The following FER variants were observed in gnomAD, a reference collection of about 807,000 sequenced individuals.
FER encodes tyrosine-protein kinase Fer.
FER carries 63 observed loss-of-function variants against 111.0 expected under a neutral mutation model. The observed-to-expected ratio is 0.57, with a 90% confidence interval of 0.46 to 0.70. The LOEUF is 0.70. Ranked by LOEUF, FER falls within the 30% of genes least tolerant of loss-of-function variation. The pLI is 0.00. For missense variants in FER, 914 were observed against 954.0 expected (o/e 0.96, Z 0.55); for synonymous variants, 327 against 313.9 (o/e 1.04, Z -0.44).
intron 17 of FER, among the ~76,000 whole-genome samples, chr5:109,177,224 TC>T (rs557250822): frequency 6.6e-6 from 1 of 152,220 alleles, no homozygotes; most frequent in East Asian, 1.9e-4. Flanking sequence ...ATAATAATTA[TC>T]CCCTTTTTAT....
intron 13 of FER, among the ~76,000 whole-genome samples, chr5:109,018,017 G>T (rs975658607): frequency 6.6e-6 from 1 of 151,786 alleles, no homozygotes; most frequent in Non-Finnish European, 1.5e-5. Flanking sequence ...CTTTGTAATA[G>T]TAGGGAAAGA....
intron 13 of FER, among the ~76,000 whole-genome samples, chr5:108,989,981 AC>A (rs1762983351): frequency 6.6e-6 from 1 of 151,914 alleles, no homozygotes; most frequent in Non-Finnish European, 1.5e-5. Flanking sequence ...ATGTCATAAT[AC>A]TTTTTGTGTC....
intron 16 of FER, among the ~76,000 whole-genome samples, chr5:109,075,001 A>G (rs17450152): frequency 0.1 from 15,296 of 152,270 alleles, 829 homozygotes; most frequent in Non-Finnish European, 0.13. Flanking sequence ...AATTTAAGTT[A>G]TATCTAAACC....
chr5:108,812,134 A>G (rs182896618), intron 3 of FER, among the ~76,000 whole-genome samples: 25 of 152,326 alleles, frequency 1.6e-4, no homozygotes, highest in African/African-American at 4.3e-4. Flanking sequence ...ATCTCCCACT[A>G]TAACTGTGAA....
chr5:108,829,148 C>T (rs1382570186), intron 3 of FER, among the ~76,000 whole-genome samples: 1 of 152,040 alleles, frequency 6.6e-6, no homozygotes, highest in Non-Finnish European at 1.5e-5. Flanking sequence ...AACAAATATC[C>T]CACCCACCCA....
chr5:108,928,810 G>A (rs1754155480), intron 10 of FER, among the ~76,000 whole-genome samples: 1 of 151,958 alleles, frequency 6.6e-6, no homozygotes, highest in African/African-American at 2.4e-5. Flanking sequence ...AAGAGGGTGA[G>A]AGAGAATGAG....
intron 16 of FER, among the ~76,000 whole-genome samples, chr5:109,058,751 G>A (rs572292050): frequency 0.03 from 125 of 4,170 alleles, 1 homozygote; most frequent in African/African-American, 0.14. Flanking sequence ...TTTTTTTTTT[G>A]AGACGGAGTC....
At chr5:109,093,586 T>G (rs1747097643) in intron 16 of FER, among the ~76,000 whole-genome samples, 1 of 152,172 alleles carries the variant, frequency 6.6e-6, no homozygotes, top group South Asian at 2.1e-4. Context: ...ATCATTGTTT[T>G]GGGGATCTTA....
chr5:108,946,009 T>G (rs926269056), intron 10 of FER, 121 bp from the exon 11 acceptor site: 2 of 615,850 alleles, frequency 3.2e-6, no homozygotes, highest in African/African-American at 3.7e-5. Flanking sequence ...GTCAGGAAGT[T>G]TATATTTTAT....
chr5:108,796,037 G>A (rs938701614), intron 2 of FER, among the ~76,000 whole-genome samples: 1 of 152,142 alleles, frequency 6.6e-6, no homozygotes, highest in Non-Finnish European at 1.5e-5. Flanking sequence ...GGCTTTCCAG[G>A]TAATACAAGG....
At chr5:109,182,195 A>T (rs1035106256) in intron 18 of FER, among the ~76,000 whole-genome samples, 2 of 152,172 alleles carry the variant, frequency 1.3e-5, no homozygotes, top group African/African-American at 4.8e-5. Flanking sequence ...TAGAAGTCAT[A>T]TGGTAATTTT....
intron 10 of FER, among the ~76,000 whole-genome samples, chr5:108,942,348 A>G (rs920248954): frequency 6.6e-6 from 1 of 152,184 alleles, no homozygotes; most frequent in Non-Finnish European, 1.5e-5. Context: ...TTTTAAAACA[A>G]GATCTTAATA....
chr5:109,093,223 T>C (rs1243407139), intron 16 of FER, among the ~76,000 whole-genome samples: 1 of 152,182 alleles, frequency 6.6e-6, no homozygotes, highest in Non-Finnish European at 1.5e-5. Context: ...CATTTAAAAA[T>C]TGTTAATACA....
At chr5:108,792,790 TA>T (rs1203021593) in intron 2 of FER, among the ~76,000 whole-genome samples, 1 of 151,838 alleles carries the variant, frequency 6.6e-6, no homozygotes, top group East Asian at 1.9e-4. Context: ...TATCTAGAAA[TA>T]TAATTTATTT....
chr5:108,964,446 G>A (rs1382171007), intron 13 of FER, among the ~76,000 whole-genome samples: 1 of 152,132 alleles, frequency 6.6e-6, no homozygotes, highest in Admixed American at 6.6e-5. Context: ...ACAGATGCCA[G>A]CAGCAAACAA....
At chr5:109,124,772 C>T (rs572643086) in intron 17 of FER, among the ~76,000 whole-genome samples, 4 of 151,964 alleles carry the variant, frequency 2.6e-5, no homozygotes, top group African/African-American at 7.2e-5. Context: ...TTGGGCCGGG[C>T]GCGGTGGCTC....
At chr5:108,996,879 T>G (rs1377080739) in intron 13 of FER, among the ~76,000 whole-genome samples, 1 of 152,178 alleles carries the variant, frequency 6.6e-6, no homozygotes, top group Non-Finnish European at 1.5e-5. Context: ...CGATATTGAT[T>G]CTTCTTATCC....
chr5:108,908,969 T>G (rs2150354056), intron 10 of FER, among the ~76,000 whole-genome samples: 1 of 152,266 alleles, frequency 6.6e-6, no homozygotes, highest in South Asian at 2.1e-4. Flanking sequence ...AGGCAGAGGT[T>G]GCAGTGAGCC....
intron 10 of FER, among the ~76,000 whole-genome samples, chr5:108,919,915 A>G (rs1201146269): frequency 1.3e-5 from 2 of 152,158 alleles, no homozygotes; most frequent in Admixed American, 6.5e-5. Context: ...GTGGCAAGTC[A>G]TAGAAACCTC....
Sources: allele counts gnomAD v4.1 joint callset (sites outside exome capture counted in the v4.1 genomes callset), GRCh38; gene constraint gnomAD v4.1.1; transcripts MANE v1.5; gene names NCBI Gene and HGNC (gene_info 2026-07-23, HGNC 2026-07-21).